Variants in TNC observed in about 807,000 individuals in gnomAD.
TNC encodes tenascin.
TNC carries 109 observed loss-of-function variants against 202.4 expected under a neutral mutation model. The ratio of observed to expected loss-of-function variants is 0.54; its 90% CI spans 0.46 to 0.63. The LOEUF (loss-of-function observed/expected upper bound fraction) is 0.63. Ranked by LOEUF, TNC falls within the 30% of genes least tolerant of loss-of-function variation. TNC has a pLI of 0.00. For synonymous variants in TNC, 1,007 were observed against 1,089.7 expected (o/e 0.92, Z 1.50); for missense variants, 2,756 against 2,833.3 (o/e 0.97, Z 0.62).
Position 115,059,903 on chromosome 9 carries a change from A to T in TNC, c.4133T>A (p.Val1378Asp). Residue 1378 changes from valine (V) to aspartate (D), a missense_variant, in exon 14 of 28, where the codon GTC becomes GAC. Coordinates refer to ENST00000350763, the MANE Select transcript of TNC (RefSeq NM_002160.4). ...TAADNAYEHF[V>D]IQVQEVNKVE... ...TTTGTTGACCTCCTGCACCTGAATG[A>T]CAAAGTGCTCATAGGCATTGTCAGC... The T allele has an allele frequency of 6.2e-7, 1 of 1,614,144 alleles. No homozygotes were observed. The highest frequency in any genetic ancestry group is 8.5e-7 in the Non-Finnish European group (1 of 1,180,012).
At position 115,064,643 on chromosome 9, in the gene TNC, A is replaced by G. The variant is rs180827351; in HGVS notation, c.3487+4T>C. 108 of 1,590,344 alleles carry G rather than the reference A, an allele frequency of 6.8e-5. No homozygotes were observed. The highest frequency in any genetic ancestry group is 5.2e-4 in the Middle Eastern group (3 of 5,762). Reference sequence around the variant, plus strand: ...GAAGCTATAAATAGAAAGGAAAGAGATACCTGTGGAGGCCTCAGCAGAGAG... The same window carrying G: ...GAAGCTATAAATAGAAAGGAAAGAGGTACCTGTGGAGGCCTCAGCAGAGAG... On this transcript the variant is annotated splice_donor_region_variant and intron_variant, in intron 11 of 27. Coordinates refer to ENST00000350763, the MANE Select transcript of TNC (RefSeq NM_002160.4).
In TNC at chr9:115,086,131, T is replaced by C. The variant is rs931835777; in HGVS notation, c.1600A>G (p.Asn534Asp). Residue 534 changes from asparagine (N) to aspartate (D), a missense_variant, in exon 3 of 28, where the codon AAT (asparagine) becomes GAT (aspartate). Transcript: ENST00000350763. ...CAGCGACCCTGGCCATGGCAGTCAT[T>C]TGGACAGGAGAGTTCTGCACAGTCA... ...GPDCAELSCP[N>D]DCHGQGRCVN... The C allele has an allele frequency of 3.7e-6, 6 of 1,613,836 alleles. No individual in the cohort carries two copies. The highest frequency in any genetic ancestry group is 3.3e-5 in the Admixed American group (2 of 59,966).
intron 1 of TNC, among the ~76,000 whole-genome samples, chr9:115,104,639 G>C (rs867360376): frequency 6.6e-6 from 1 of 152,178 alleles, no homozygotes; most frequent in African/African-American, 2.4e-5. Context: ...AGCTATAAGT[G>C]CCTGACATAT....
At chr9:115,053,381 C>A (rs892953737) in intron 15 of TNC, among the ~76,000 whole-genome samples, 1 of 152,178 alleles carries the variant, frequency 6.6e-6, no homozygotes, top group South Asian at 2.1e-4. Context: ...ACTGGGGACA[C>A]AAGCCCTGTA....
At chr9:115,075,873 T>C (rs1188124971) in intron 9 of TNC, among the ~76,000 whole-genome samples, 159 bp downstream of exon 9, 1 of 152,236 alleles carries the variant, frequency 6.6e-6, no homozygotes, top group Non-Finnish European at 1.5e-5. Context: ...ACCGTACTTA[T>C]GTTCCTTTTG....
rs113737734 is a variant in TNC at position 115,076,309 on chromosome 9, G to C, written c.2860+81C>G. 1.1e-5 allele frequency: 16 copies of C among 1,515,308 alleles called. No individual in the cohort carries two copies. In the African/African-American group the frequency reaches 1.8e-4, roughly 17 times the overall value. The allele number at this position is 1,515,308 out of a possible 1,614,324, so 93.9% of individuals were successfully genotyped here. On this transcript the variant is annotated intron_variant, in intron 8 of 27. Transcript: ENST00000350763. ...GACTTATTTCTGAGGGTTGCAAATG[G>C]GGACATGTGGGAGCAGGTGCCCATC...
In TNC at chr9:115,070,335, G is replaced by C. The variant is rs1833369564; in HGVS notation, c.3214+3268C>G. ...AGTGCTGGGAAAAGAGTGGTATCCAGGGAGTGGGAGCAGCACACTCCAAAG... is the reference window on the plus strand; with the variant it reads ...AGTGCTGGGAAAAGAGTGGTATCCACGGAGTGGGAGCAGCACACTCCAAAG... On this transcript the variant is annotated intron_variant, in intron 10 of 27. Coordinates refer to ENST00000350763, the MANE Select transcript of TNC (RefSeq NM_002160.4). Among the ~76,000 whole-genome samples, 4 of 152,178 alleles carry C rather than the reference G, an allele frequency of 2.6e-5. No homozygotes were observed. In the South Asian group the frequency reaches 8.3e-4, roughly 32 times the overall value.
chr9:115,036,149 C>T lies in TNC; in HGVS notation c.5605G>A (p.Ala1869Thr). 1 of 1,614,156 alleles carries T rather than the reference C, an allele frequency of 6.2e-7. No homozygotes were observed. Among genetic ancestry groups the T allele is most frequent in the Non-Finnish European group, 8.5e-7 (1 of 1,180,022 alleles). ...PATEYTLRIF[A>T]EKGPQKSSTI... ...GAGCTCTTCTGGGGCCCTTTCTCTG[C>T]AAAGATTCTCAGTGTGTATTCCGTG... The change falls in exon 21 of 28, where the codon GCA becomes ACA. Residue 1869 changes from alanine to threonine, a missense_variant. By Grantham distance (58) the Ala-to-Thr change is moderately conservative (BLOSUM62 0). Transcript: ENST00000350763.
intron 10 of TNC, among the ~76,000 whole-genome samples, chr9:115,065,201 G>T (rs1177649879): frequency 6.6e-6 from 1 of 152,126 alleles, no homozygotes; most frequent in Non-Finnish European, 1.5e-5. Context: ...TTCGAGACCA[G>T]CCTGGCCAAC....
chr9:115,061,630 A>G (rs557281100), intron 13 of TNC, among the ~76,000 whole-genome samples: 8 of 152,220 alleles, frequency 5.3e-5, no homozygotes, highest in Non-Finnish European at 1.2e-4. Flanking sequence ...TATCTGTTAT[A>G]TAAGAGCAAG....
chr9:115,064,495 T>C lies in TNC; in HGVS notation c.3487+152A>G, dbSNP rs1012085997. On this transcript the variant is annotated intron_variant, in intron 11 of 27. Coordinates refer to ENST00000350763, the MANE Select transcript of TNC (RefSeq NM_002160.4). ...TGAAGTATTAAAAGTTGCCTTGGGG[T>C]TCTGTAGCGTGATGGCCTCGTGTCA... 195 of 1,030,098 alleles carry C rather than the reference T, an allele frequency of 1.9e-4. 1 individual carries two copies. Among genetic ancestry groups the C allele is most frequent in the Admixed American group, 4.4e-4 (19 of 43,188 alleles). The allele number at this position is 1,030,098 out of a possible 1,614,324, so 63.8% of individuals were successfully genotyped here. A position where few individuals can be genotyped will look rare whatever the true frequency, so the allele number is the denominator to read the frequency against.
chr9:115,083,477 ACTC>A (rs1198976182), intron 4 of TNC, among the ~76,000 whole-genome samples: 2 of 151,474 alleles, frequency 1.3e-5, no homozygotes, highest in African/African-American at 4.9e-5. Flanking sequence ...TTTTGCCTCT[ACTC>A]CTTGTTAGCT....
intron 1 of TNC, among the ~76,000 whole-genome samples, chr9:115,111,397 CTCTTTTTTTT>C (rs1564160340): frequency 9.4e-6 from 1 of 106,578 alleles, no homozygotes; most frequent in African/African-American, 4.0e-5. Flanking sequence ...CTCTCTCTCT[CTCTTTTTTTT>C]TTTTTTTTTT....
chr9:115,099,971 A>G (rs948316505), intron 1 of TNC, among the ~76,000 whole-genome samples: 1 of 152,192 alleles, frequency 6.6e-6, no homozygotes, highest in Non-Finnish European at 1.5e-5. Flanking sequence ...CTGTTATCCT[A>G]TCTCTTCTAA....
At chr9:115,098,727 G>T (rs1315462090) in intron 1 of TNC, among the ~76,000 whole-genome samples, 1 of 152,034 alleles carries the variant, frequency 6.6e-6, no homozygotes. Flanking sequence ...CATCATTTTG[G>T]CAACCCATGA....
intron 1 of TNC, among the ~76,000 whole-genome samples, chr9:115,093,104 C>T (rs1186498469): frequency 1.3e-5 from 2 of 152,068 alleles, no homozygotes; most frequent in Non-Finnish European, 2.9e-5. Context: ...TTCCTCATGA[C>T]AGAAAGCCTT....
chr9:115,075,907 G>A (rs1833810012), intron 9 of TNC, 125 bp downstream of exon 9: 2 of 770,868 alleles, frequency 2.6e-6, no homozygotes, highest in Admixed American at 4.0e-5. Context: ...GGGCTAGATG[G>A]TACTACAGGG....
At chr9:115,077,294 G>A (rs1342853498) in intron 7 of TNC, among the ~76,000 whole-genome samples, 2 of 150,692 alleles carry the variant, frequency 1.3e-5, no homozygotes, top group Non-Finnish European at 3.0e-5. Context: ...CTGACCTCGT[G>A]ATTCGCCCGC....
rs1209080855 is a variant in TNC at position 115,086,172 on chromosome 9, T to C, written c.1559A>G (p.Asp520Gly). 6.2e-7 allele frequency: 1 copy of C among 1,614,086 alleles called. No homozygotes were observed. The highest frequency in any genetic ancestry group is 2.2e-5 in the East Asian group (1 of 44,882). ...LCVDGQCVCE[D>G]GFTGPDCAEL... ...TGCACAGTCAGGGCCGGTGAAGCCG[T>C]CCTCACAGACGCACTGTCCGTCCAC... The change falls in exon 3 of 28, where the codon GAC becomes GGC. Residue 520 changes from aspartate (D) to glycine (G), a missense_variant. This residue lies in a region of TNC where 2,559 missense variants were observed against 2,546.0 expected (regional missense o/e 1.01). Transcript: ENST00000350763.
Sources: gnomAD v4.1 joint callset for allele counts (sites outside exome capture counted in the v4.1 genomes callset) on GRCh38, gnomAD v4.1.1 for gene constraint, gnomAD v4.1.1 regional missense constraint, MANE v1.5 for transcripts, NCBI Gene and HGNC (gene_info 2026-07-23, HGNC 2026-07-21) for gene names.